MAP3K4: variants seen among roughly 807,000 people sequenced by gnomAD.
MAP3K4 encodes the protein mitogen-activated protein kinase kinase kinase 4.
MAP3K4 carries 67 observed loss-of-function variants against 185.6 expected under a neutral mutation model. The observed-to-expected ratio is 0.36, with a 90% CI of 0.30 to 0.44. The LOEUF is 0.44. Ranked by LOEUF, MAP3K4 falls within the 20% of genes least tolerant of loss-of-function variation. MAP3K4 has a pLI of 1.00. For missense variants in MAP3K4, 1,551 were observed against 1,995.1 expected, an observed-to-expected ratio of 0.78 and a Z score of 4.24; for synonymous variants, 702 against 710.4, an observed-to-expected ratio of 0.99 and a Z score of 0.19.
intron 19 of MAP3K4, 45 bp downstream of exon 19, chr6:161,102,824 A>T (rs754362192): frequency 9.1e-7 from 1 of 1,103,662 alleles, no homozygotes; most frequent in Admixed American, 2.8e-5. Context: ...AAAAAAAAAA[A>T]CACGATTACA....
Position 161,053,454 on chromosome 6 carries a change from C to T in MAP3K4, c.1707+3475C>T. ...TTTTATTACTTTTTCTTCCTTGAAG[C>T]TAACTGTAAATCCATATGGGTGCAA... is the stretch of plus-strand genomic sequence containing the variant. On this transcript the variant is annotated intron_variant, in intron 3 of 26. Transcript: ENST00000392142. The surrounding 1 kb of genome is among the most constrained non-coding windows in gnomAD (Gnocchi z 4.2). Among the ~76,000 whole-genome samples the T allele has an allele frequency of 6.6e-6, 1 of 152,204 alleles. No individual in the cohort carries two copies. The highest frequency in any genetic ancestry group is 2.1e-4 in the South Asian group (1 of 4,834).
Position 161,114,502 on chromosome 6 carries a change from G to T in MAP3K4, c.4627-621G>T, listed in dbSNP as rs1778505843. Reference sequence around the variant, plus strand: ...TTTCTATTAGCATTAAAATAGAAAGGCAGTTGTGATATCTGTGTTATTCCA... The same window carrying T: ...TTTCTATTAGCATTAAAATAGAAAGTCAGTTGTGATATCTGTGTTATTCCA... On this transcript the variant is annotated intron_variant, in intron 25 of 26. Transcript: ENST00000392142. This position sits in a 1 kb window ranked among gnomAD's most constrained non-coding sequence, Gnocchi z 4.3. 1.3e-5 allele frequency among the ~76,000 whole-genome samples: 2 copies of T among 152,154 alleles called. No homozygotes were observed. Among genetic ancestry groups the T allele is most frequent in the South Asian group, 4.1e-4 (2 of 4,820 alleles).
intron 1 of MAP3K4, among the ~76,000 whole-genome samples, chr6:161,020,392 G>A (rs1782322958): frequency 6.6e-6 from 1 of 152,142 alleles, no homozygotes; most frequent in South Asian, 2.1e-4. Context: ...GGGCACAGTG[G>A]CTCACGCCTG....
intron 1 of MAP3K4, among the ~76,000 whole-genome samples, chr6:161,003,206 A>G (rs1026845266): frequency 1.2e-4 from 18 of 152,216 alleles, no homozygotes; most frequent in African/African-American, 4.1e-4. Flanking sequence ...TTCTTTCTAG[A>G]AAGGTATTAA....
chr6:161,019,569 G>A (rs907453275), intron 1 of MAP3K4, among the ~76,000 whole-genome samples: 1 of 152,166 alleles, frequency 6.6e-6, no homozygotes, highest in Non-Finnish European at 1.5e-5. Flanking sequence ...ACCACACCCA[G>A]CTAATTTTTG....
Position 161,093,095 on chromosome 6 carries a change from GC to G in MAP3K4, c.3348+41del. ...TAAAGTTTTTTTCATTATAAAATAA[GC>G]CAGTCACTCCTTATTTTCTGGTTGT... On this transcript the variant is annotated intron_variant, in intron 14 of 26. Coordinates refer to ENST00000392142, the MANE Select transcript of MAP3K4 (RefSeq NM_005922.4). The surrounding 1 kb of genome is among the most constrained non-coding windows in gnomAD (Gnocchi z 5.2). 7.4e-7 allele frequency: 1 copy of G among 1,353,922 alleles called. No homozygotes were observed. The highest frequency in any genetic ancestry group is 1.0e-6 in the Non-Finnish European group (1 of 953,932). The allele number at this position is 1,353,922 out of a possible 1,614,324, so 83.9% of individuals were successfully genotyped here. A position where few individuals can be genotyped will look rare whatever the true frequency, so the allele number is the denominator to read the frequency against.
In MAP3K4 at chr6:160,991,907, C is replaced by G; in HGVS notation, c.-25C>G. 6.7e-7 allele frequency: 1 copy of G among 1,495,704 alleles called. No individual in the cohort carries two copies. The highest frequency in any genetic ancestry group is 8.8e-7 in the Non-Finnish European group (1 of 1,131,274). The allele number at this position is 1,495,704 out of a possible 1,614,324, so 92.7% of individuals were successfully genotyped here. A position where few individuals can be genotyped will look rare whatever the true frequency, so the allele number is the denominator to read the frequency against. On this transcript the variant is annotated 5_prime_UTR_variant, in exon 1 of 27. Transcript: ENST00000392142. The surrounding 1 kb of genome is among the most constrained non-coding windows in gnomAD (Gnocchi z 5.7). ...CCAGGCTGCAGCTTACTGCCCGCCG[C>G]GGCCATGCGGGGCTCCGTGCACGGA...
At chr6:161,039,229 T>G (rs1288060832) in intron 2 of MAP3K4, among the ~76,000 whole-genome samples, 1 of 139,580 alleles carries the variant, frequency 7.2e-6, no homozygotes. Context: ...AATTAGAATC[T>G]GGTCAGTCAT....
chr6:161,059,802 C>A (rs1408053997), intron 3 of MAP3K4, among the ~76,000 whole-genome samples: 1 of 149,988 alleles, frequency 6.7e-6, no homozygotes, highest in Admixed American at 6.7e-5. Context: ...CAAATAATGT[C>A]CATGTGTTAT....
intron 2 of MAP3K4, among the ~76,000 whole-genome samples, chr6:161,035,960 A>G (rs1343470055): frequency 6.6e-6 from 1 of 152,232 alleles, no homozygotes; most frequent in Non-Finnish European, 1.5e-5. Flanking sequence ...AGATAGTGTC[A>G]GGACTATTTG....
At chr6:161,050,601 G>T (rs1339959999) in intron 3 of MAP3K4, among the ~76,000 whole-genome samples, 1 of 151,324 alleles carries the variant, frequency 6.6e-6, no homozygotes, top group Non-Finnish European at 1.5e-5. Flanking sequence ...ATTTTTGTGA[G>T]AGGAATGTGC....
At chr6:161,052,551 C>A (rs1041118396) in intron 3 of MAP3K4, among the ~76,000 whole-genome samples, 1 of 152,150 alleles carries the variant, frequency 6.6e-6, no homozygotes, top group African/African-American at 2.4e-5. Flanking sequence ...TCATAAGATG[C>A]TAAGTGTTCA....
In MAP3K4 at chr6:160,996,163, C is replaced by T. The variant is rs530721989; in HGVS notation, c.152+4080C>T. 1.9e-4 allele frequency among the ~76,000 whole-genome samples: 29 copies of T among 152,156 alleles called. No homozygotes were observed. Among genetic ancestry groups the T allele is most frequent in the Non-Finnish European group, 2.9e-4 (20 of 68,044 alleles). On this transcript the variant is annotated intron_variant, in intron 1 of 26. Transcript: ENST00000392142. This position sits in a 1 kb window ranked among gnomAD's most constrained non-coding sequence, Gnocchi z 4.5. ...CTGGCAAAGTCAGCCTCCTGTGGTG[C>T]TCCAGACTGTTGGTGTAGCATCAGT...
At chr6:161,000,967 TACAC>T (rs1315547184) in intron 1 of MAP3K4, among the ~76,000 whole-genome samples, 1 of 137,258 alleles carries the variant, frequency 7.3e-6, no homozygotes, top group Admixed American at 7.5e-5. Flanking sequence ...ATATATAATA[TACAC>T]ATATGTATAT....
In MAP3K4 at chr6:161,051,601, T is replaced by C. The variant is rs976458076; in HGVS notation, c.1707+1622T>C. On this transcript the variant is annotated intron_variant, in intron 3 of 26. Transcript: ENST00000392142. This position sits in a 1 kb window ranked among gnomAD's most constrained non-coding sequence, Gnocchi z 4.2. Reference sequence around the variant, plus strand: ...TGTGACCACTGGTTTTGAAGTAACATGAGTGAAGAAAAAAGTCCTGGCAGT... The same window carrying C: ...TGTGACCACTGGTTTTGAAGTAACACGAGTGAAGAAAAAAGTCCTGGCAGT... 3.3e-5 allele frequency among the ~76,000 whole-genome samples: 5 copies of C among 152,132 alleles called. No homozygotes were observed. Among genetic ancestry groups the C allele is most frequent in the Non-Finnish European group, 7.4e-5 (5 of 68,012 alleles).
Position 161,034,966 on chromosome 6 carries a change from C to T in MAP3K4, c.343+517C>T, listed in dbSNP as rs1783096726. ...CCCACACCTAACAACCATGACAGAA[C>T]CTGCTTTCTACTTTTCTCTTTATTT... On this transcript the variant is annotated intron_variant, in intron 2 of 26. Transcript: ENST00000392142. This position sits in a 1 kb window ranked among gnomAD's most constrained non-coding sequence, Gnocchi z 4.4. Among the ~76,000 whole-genome samples the T allele has an allele frequency of 6.6e-6, 1 of 152,122 alleles. No homozygotes were observed. Among genetic ancestry groups the T allele is most frequent in the South Asian group, 2.1e-4 (1 of 4,832 alleles).
At chr6:161,029,892 G>A (rs1364072150) in intron 1 of MAP3K4, among the ~76,000 whole-genome samples, 2 of 152,108 alleles carry the variant, frequency 1.3e-5, no homozygotes, top group Non-Finnish European at 2.9e-5. Context: ...AACTTTGCTT[G>A]ATTTCTTTCC....
chr6:161,104,415 C>CAA (rs869113836), intron 19 of MAP3K4, among the ~76,000 whole-genome samples: 2,329 of 58,304 alleles, frequency 0.04, 98 homozygotes, highest in African/African-American at 0.11. Context: ...ACTCCGTTTC[C>CAA]AAAAAAAAAA....
chr6:161,044,866 A>AATAG, intron 2 of MAP3K4, among the ~76,000 whole-genome samples: 1 of 152,262 alleles, frequency 6.6e-6, no homozygotes, highest in Non-Finnish European at 1.5e-5. Context: ...CACATGAACT[A>AATAG]ATAGAGCGAG....
Sources: allele counts gnomAD v4.1 joint callset (sites outside exome capture counted in the v4.1 genomes callset), GRCh38; gene constraint gnomAD v4.1.1; non-coding constraint Gnocchi (gnomAD v3.1); transcripts MANE v1.5; gene names NCBI Gene and HGNC (gene_info 2026-07-23, HGNC 2026-07-21).